Variants in EPAS1 observed in about 807,000 individuals in gnomAD.
The protein encoded by EPAS1 is endothelial PAS domain protein 1.
A neutral mutation model predicts 87.9 loss-of-function variants in EPAS1; 23 were observed. The observed-to-expected ratio is 0.26, with a 90% CI of 0.19 to 0.37. The LOEUF (loss-of-function observed/expected upper bound fraction) is 0.37, where lower values mean the gene tolerates loss of function less well. Ranked by LOEUF, EPAS1 falls within the 10% of genes least tolerant of loss-of-function variation. The pLI is 1.00. For missense variants in EPAS1, 1,138 were observed against 1,120.7 expected (o/e 1.02, Z -0.22); for synonymous variants, 508 against 444.3 (o/e 1.14, Z -1.80).
At chr2:46,382,156 A>G in intron 14 of EPAS1, 67 bp downstream of exon 14, 35 of 1,445,128 alleles carry the variant, frequency 2.4e-5, no homozygotes, top group Non-Finnish European at 3.3e-5. Flanking sequence ...TCGGGAGCCC[A>G]TCCTGGTTCT....
chr2:46,359,459 C>A (rs184561845), intron 4 of EPAS1, among the ~76,000 whole-genome samples: 93 of 152,028 alleles, frequency 6.1e-4, no homozygotes, highest in African/African-American at 2.0e-3. Flanking sequence ...CTAACCCCAC[C>A]TCTGAAAATT....
intron 1 of EPAS1, among the ~76,000 whole-genome samples, chr2:46,345,618 C>T (rs1253893402): frequency 6.6e-6 from 1 of 152,060 alleles, no homozygotes; most frequent in African/African-American, 2.4e-5. Flanking sequence ...CTTCCAAGGG[C>T]AGTTGTGTGA....
In EPAS1 at chr2:46,380,057, A is replaced by G. The variant is rs1684851603; in HGVS notation, c.1555-170A>G. 1 of 1,023,508 alleles carries G rather than the reference A, an allele frequency of 9.8e-7. No individual in the cohort carries two copies. The allele number at this position is 1,023,508 out of a possible 1,614,324, so 63.4% of individuals were successfully genotyped here. ...CATGATACAAGGTCGTGTACATGAC[A>G]CAGCCAAGTCTGAGGTTTTCCTGAT... On this transcript the variant is annotated intron_variant, in intron 11 of 15. Coordinates refer to ENST00000263734, the MANE Select transcript of EPAS1 (RefSeq NM_001430.5). The surrounding 1 kb of genome is among the most constrained non-coding windows in gnomAD (Gnocchi z 4.4).
intron 1 of EPAS1, among the ~76,000 whole-genome samples, chr2:46,327,021 G>A (rs1683576584): frequency 6.6e-6 from 1 of 152,200 alleles, no homozygotes; most frequent in Admixed American, 6.5e-5. Context: ...ACCTATGTCA[G>A]TAGATAATGG....
At chr2:46,384,020 C>G (rs960784709) in intron 15 of EPAS1, among the ~76,000 whole-genome samples, 7 of 152,186 alleles carry the variant, frequency 4.6e-5, no homozygotes, top group African/African-American at 1.7e-4. Context: ...CCTGCCACTC[C>G]CTGGTCTGCC....
At chr2:46,337,838 C>T (rs1184415730) in intron 1 of EPAS1, among the ~76,000 whole-genome samples, 1 of 152,140 alleles carries the variant, frequency 6.6e-6, no homozygotes, top group East Asian at 1.9e-4. Flanking sequence ...GTAGACTCCG[C>T]AAGCAAAGCA....
chr2:46,314,339 C>G (rs751404260), intron 1 of EPAS1, among the ~76,000 whole-genome samples: 1 of 152,208 alleles, frequency 6.6e-6, no homozygotes, highest in Non-Finnish European at 1.5e-5. Context: ...GTGTCACTCT[C>G]TACATGGCTG....
chr2:46,332,426 G>C (rs1281322551), intron 1 of EPAS1, among the ~76,000 whole-genome samples: 1 of 151,902 alleles, frequency 6.6e-6, no homozygotes, highest in African/African-American at 2.4e-5. Flanking sequence ...TCACTGACGG[G>C]ACCTCAGTAG....
rs1192741054 is a variant in EPAS1 at position 46,380,799 on chromosome 2, C to A, written c.2045+82C>A. On this transcript the variant is annotated intron_variant, in intron 12 of 15. Coordinates refer to ENST00000263734, the MANE Select transcript of EPAS1 (RefSeq NM_001430.5). The surrounding 1 kb of genome is among the most constrained non-coding windows in gnomAD (Gnocchi z 4.4). ...TAAGATAGCTGGACCCCCAGGGAGGCCCCTGCCCCTCTCCCCAGCCATCTG... is the reference window on the plus strand; with the variant it reads ...TAAGATAGCTGGACCCCCAGGGAGGACCCTGCCCCTCTCCCCAGCCATCTG... 8 of 1,593,682 alleles carry A rather than the reference C, an allele frequency of 5.0e-6. No individual in the cohort carries two copies. The highest frequency in any genetic ancestry group is 1.9e-4 in the Middle Eastern group (1 of 5,402).
intron 6 of EPAS1, among the ~76,000 whole-genome samples, chr2:46,367,412 C>T (rs1446409032): frequency 6.6e-6 from 1 of 152,220 alleles, no homozygotes; most frequent in African/African-American, 2.4e-5. Flanking sequence ...ATGGCCAGAC[C>T]ATTGTTAGCA....
At chr2:46,301,328 C>T (rs1371366838) in intron 1 of EPAS1, among the ~76,000 whole-genome samples, 1 of 152,128 alleles carries the variant, frequency 6.6e-6, no homozygotes, top group Non-Finnish European at 1.5e-5. Context: ...GTAATCCCAG[C>T]ACTTTGGGAG....
chr2:46,327,342 G>A (rs2104854842), intron 1 of EPAS1, among the ~76,000 whole-genome samples: 1 of 152,256 alleles, frequency 6.6e-6, no homozygotes, highest in African/African-American at 2.4e-5. Context: ...GAGAGTATTA[G>A]AGAATTAGAG....
chr2:46,309,377 T>A (rs140504140), intron 1 of EPAS1, among the ~76,000 whole-genome samples: 1 of 152,244 alleles, frequency 6.6e-6, no homozygotes, highest in African/African-American at 2.4e-5. Context: ...AGATGATTTA[T>A]GTTAATGGAT....
In EPAS1 at chr2:46,335,114, G is replaced by A. The variant is rs948845131; in HGVS notation, c.27-11759G>A. Among the ~76,000 whole-genome samples, 10 of 152,116 alleles carry A rather than the reference G, an allele frequency of 6.6e-5. 1 individual carries two copies. Among genetic ancestry groups the A allele is most frequent in the Admixed American group, 5.2e-4 (8 of 15,274 alleles). On this transcript the variant is annotated intron_variant, in intron 1 of 15. Coordinates refer to ENST00000263734, the MANE Select transcript of EPAS1 (RefSeq NM_001430.5). ...AGGGGTTATGAGGATGGGGGTAGGA[G>A]AGTGAGGGATCCCGTGCTTTCTCCC...
At position 46,382,537 on chromosome 2, in the gene EPAS1, C is replaced by T; in HGVS notation, c.2400C>T (p.Pro800=). 2 of 1,614,164 alleles carry T rather than the reference C, an allele frequency of 1.2e-6. No individual in the cohort carries two copies. The highest frequency in any genetic ancestry group is 1.6e-4 in the Middle Eastern group (1 of 6,062). Residue 800 remains proline (P), a synonymous_variant, in exon 15 of 16, where the codon CCC becomes CCT. Transcript: ENST00000263734. ...SPGENSKSRF[P]PQCYATQYQD... Reference sequence around the variant, plus strand: ...GGGAGAACAGCAAGAGCAGGTTCCCCCCACAGTGCTACGCCACCCAGTACC... The same window carrying T: ...GGGAGAACAGCAAGAGCAGGTTCCCTCCACAGTGCTACGCCACCCAGTACC...
chr2:46,343,413 G>A (rs949899906), intron 1 of EPAS1, among the ~76,000 whole-genome samples: 6 of 152,228 alleles, frequency 3.9e-5, no homozygotes, highest in Admixed American at 6.5e-5. Context: ...GAACATCAAA[G>A]TTGTACAGTA....
rs1335973434 is a variant in EPAS1, at chr2:46,377,906, T to C, written c.1262T>C (p.Phe421Ser). Residue 421 changes from phenylalanine (F) to serine (S), a missense_variant, in exon 10 of 16, where the codon TTC becomes TCC. Coordinates refer to ENST00000263734, the MANE Select transcript of EPAS1 (RefSeq NM_001430.5). ...CTTGTCTCCACAGGGAATCAGAACT[T>C]CGAGGAGTCCTCAGCCTATGGCAAG... ...IISLDFGNQN[F>S]EESSAYGKAI... The C allele has an allele frequency of 7.7e-6, 12 of 1,552,472 alleles. No homozygotes were observed. In the Middle Eastern group the frequency reaches 5.0e-4, roughly 65 times the overall value.
chr2:46,356,866 C>G, intron 4 of EPAS1, 58 bp downstream of exon 4: 2 of 1,255,600 alleles, frequency 1.6e-6, no homozygotes, highest in South Asian at 1.2e-5. Context: ...TCTGCCTCCC[C>G]TTTGTCTACG....
At chr2:46,339,126 T>C (rs1558593332) in intron 1 of EPAS1, among the ~76,000 whole-genome samples, 1 of 152,228 alleles carries the variant, frequency 6.6e-6, no homozygotes, top group African/African-American at 2.4e-5. Context: ...TGATGTGATA[T>C]TGCTGGCTAT....
Sources: gnomAD v4.1 joint callset for allele counts (sites outside exome capture counted in the v4.1 genomes callset) on GRCh38, gnomAD v4.1.1 for gene constraint, Gnocchi (gnomAD v3.1) non-coding constraint, MANE v1.5 for transcripts, NCBI Gene and HGNC (gene_info 2026-07-23, HGNC 2026-07-21) for gene names.